FTO: variants seen among roughly 807,000 people sequenced by gnomAD.
The protein encoded by FTO is alpha-ketoglutarate-dependent dioxygenase FTO.
FTO carries 47 observed loss-of-function variants against 63.9 expected under a neutral mutation model. The ratio of observed to expected loss-of-function variants is 0.74; its 90% CI spans 0.58 to 0.94. The LOEUF (loss-of-function observed/expected upper bound fraction) is 0.94, where lower values mean the gene tolerates loss of function less well. Among genes scored for constraint, FTO ranks in the 40% least tolerant of loss-of-function variants. The pLI is 0.00. For synonymous variants in FTO, 207 were observed against 224.4 expected (o/e 0.92, Z 0.69); for missense variants, 562 against 618.1 (o/e 0.91, Z 0.96).
intron 8 of FTO, among the ~76,000 whole-genome samples, chr16:54,048,672 C>T (rs116146946): frequency 0.014 from 2,090 of 152,274 alleles, 36 homozygotes; most frequent in African/African-American, 0.048. Context: ...CAATTCTGGT[C>T]GGCCTGATAG....
intron 8 of FTO, among the ~76,000 whole-genome samples, chr16:54,022,312 G>A (rs182598945): frequency 1.3e-5 from 2 of 152,124 alleles, no homozygotes; most frequent in East Asian, 1.9e-4. Context: ...GATTGGTTAC[G>A]GTAGTATTAA....
intron 4 of FTO, among the ~76,000 whole-genome samples, chr16:53,865,908 G>A (rs888644790): frequency 6.6e-6 from 1 of 152,022 alleles, no homozygotes; most frequent in African/African-American, 2.4e-5. Context: ...CTGTCTTACT[G>A]TGTCAGCCAG....
chr16:53,873,762 A>G (rs1481696660), intron 4 of FTO, 24 bp from the exon 5 acceptor site: 2 of 1,586,586 alleles, frequency 1.3e-6, no homozygotes, highest in Non-Finnish European at 1.7e-6. Context: ...ATGGTTTTAT[A>G]CATTTCTGGT....
At chr16:53,779,602 T>TA (rs1257202213) in intron 1 of FTO, among the ~76,000 whole-genome samples, 1 of 152,222 alleles carries the variant, frequency 6.6e-6, no homozygotes, top group Non-Finnish European at 1.5e-5. Flanking sequence ...GGGTACAATT[T>TA]AGAGTTTGTT....
chr16:53,888,778 C>A, intron 6 of FTO, 54 bp from the exon 7 acceptor site: 1 of 1,602,894 alleles, frequency 6.2e-7, no homozygotes, highest in South Asian at 1.1e-5. Flanking sequence ...TCATTGTCCT[C>A]GCTTGTCTAT....
intron 8 of FTO, among the ~76,000 whole-genome samples, chr16:54,018,976 C>A (rs970081085): frequency 5.9e-5 from 9 of 152,124 alleles, no homozygotes; most frequent in African/African-American, 2.4e-5. Flanking sequence ...AATAGGACAG[C>A]TGTAGGTGTG....
intron 1 of FTO, among the ~76,000 whole-genome samples, chr16:53,758,227 T>C (rs1372083257): frequency 6.6e-6 from 1 of 152,242 alleles, no homozygotes; most frequent in East Asian, 1.9e-4. Flanking sequence ...AGTGTGTGAA[T>C]GTCAGCCCAG....
chr16:53,718,994 A>C (rs1354206275), intron 1 of FTO, among the ~76,000 whole-genome samples: 1 of 152,200 alleles, frequency 6.6e-6, no homozygotes, highest in African/African-American at 2.4e-5. Flanking sequence ...TTCAAGCTAC[A>C]GTTTGTAAAG....
intron 1 of FTO, among the ~76,000 whole-genome samples, chr16:53,708,087 G>A (rs921532072): frequency 5.9e-5 from 9 of 151,900 alleles, no homozygotes; most frequent in African/African-American, 2.2e-4. Flanking sequence ...GGCCGAGCAT[G>A]GTGGCTCATG....
chr16:53,801,221 T>C (rs1056687555), intron 1 of FTO, among the ~76,000 whole-genome samples: 3 of 152,068 alleles, frequency 2.0e-5, no homozygotes, highest in African/African-American at 7.2e-5. Flanking sequence ...TTTGTTGGCT[T>C]ATTACTTGTA....
At chr16:53,923,836 A>C (rs906656297) in intron 7 of FTO, among the ~76,000 whole-genome samples, 2 of 152,010 alleles carry the variant, frequency 1.3e-5, no homozygotes, top group African/African-American at 2.4e-5. Flanking sequence ...TTCCCACAGC[A>C]GCCTGAACAT....
chr16:53,869,675 T>A (rs749543009), intron 4 of FTO, among the ~76,000 whole-genome samples: 19 of 152,116 alleles, frequency 1.2e-4, no homozygotes, highest in South Asian at 2.1e-4. Flanking sequence ...GCATTCTTCA[T>A]TTGTGTTACA....
chr16:53,784,346 T>C (rs1044262103), intron 1 of FTO, among the ~76,000 whole-genome samples: 3 of 152,202 alleles, frequency 2.0e-5, no homozygotes, highest in African/African-American at 7.2e-5. Flanking sequence ...TCTCCTTGTG[T>C]CTTTTCATGT....
intron 8 of FTO, among the ~76,000 whole-genome samples, chr16:54,023,072 A>G (rs2084636274): frequency 6.6e-6 from 1 of 152,236 alleles, no homozygotes; most frequent in South Asian, 2.1e-4. Flanking sequence ...TATTTAATAA[A>G]ATATGCAGTT....
chr16:53,803,584 A>C (rs1304425772), intron 1 of FTO, among the ~76,000 whole-genome samples: 1 of 152,192 alleles, frequency 6.6e-6, no homozygotes, highest in African/African-American at 2.4e-5. Flanking sequence ...TTTCAGTTAA[A>C]AATTAAACAA....
At chr16:53,978,596 T>C (rs1284556065) in intron 8 of FTO, among the ~76,000 whole-genome samples, 1 of 152,274 alleles carries the variant, frequency 6.6e-6, no homozygotes, top group Non-Finnish European at 1.5e-5. Context: ...ATCTGCCATT[T>C]AGCTAATTCT....
chr16:53,919,492 G>A (rs534006532), intron 7 of FTO, among the ~76,000 whole-genome samples: 1 of 152,094 alleles, frequency 6.6e-6, no homozygotes, highest in South Asian at 2.1e-4. Flanking sequence ...CAAAGGAAAA[G>A]AATTCATTAT....
At chr16:53,918,356 A>C (rs1344315167) in intron 7 of FTO, among the ~76,000 whole-genome samples, 2 of 152,318 alleles carry the variant, frequency 1.3e-5, no homozygotes, top group African/African-American at 4.8e-5. Context: ...TGTACTGCAC[A>C]CTGTAGGCAA....
chr16:54,097,439 C>A (rs1239723623), intron 8 of FTO, among the ~76,000 whole-genome samples: 4 of 152,030 alleles, frequency 2.6e-5, no homozygotes, highest in Non-Finnish European at 5.9e-5. Context: ...CTTCTGGGCT[C>A]AAGTGATCCT....
Sources: gnomAD v4.1 joint callset for allele counts (sites outside exome capture counted in the v4.1 genomes callset) on GRCh38, gnomAD v4.1.1 for gene constraint, MANE v1.5 for transcripts, NCBI Gene and HGNC (gene_info 2026-07-23, HGNC 2026-07-21) for gene names.